The following RPL31 variants were observed in gnomAD, a reference collection of about 807,000 sequenced individuals.
The protein encoded by RPL31 is large ribosomal subunit protein eL31.
For missense variants in RPL31, 95 were observed against 164.0 expected, an observed-to-expected ratio of 0.58 and a Z score of 2.30; for synonymous variants, 51 against 55.0, an observed-to-expected ratio of 0.93 and a Z score of 0.32.
downstream of RPL31, chr2:101,008,182 G>A (rs755769534): frequency 1.9e-6 from 3 of 1,613,564 alleles, no homozygotes; most frequent in Non-Finnish European, 1.7e-6. Flanking sequence ...CAGCAGTGTG[G>A]TGACTGTGGC....
intron 4 of RPL31, among the ~76,000 whole-genome samples, chr2:101,017,389 A>G (rs1181108553): frequency 3.3e-5 from 5 of 152,238 alleles, no homozygotes; most frequent in Non-Finnish European, 5.9e-5. Context: ...GTAATTTTAT[A>G]TGCTATACTT....
Position 101,004,172 on chromosome 2 carries a change from G to A in RPL31, c.122G>A (p.Arg41His), listed in dbSNP as rs763221292. The A allele has an allele frequency of 5.0e-6, 8 of 1,613,846 alleles. No individual in the cohort carries two copies. The highest frequency in any genetic ancestry group is 2.2e-5 in the East Asian group (1 of 44,882). ...TTGAATCGTAGGGGCTTCAAGAAGC[G>A]TGCACCTCGGGCACTCAAAGAGATT... ...KRIHGVGFKK[R>H]APRALKEIRK... is the part of the protein sequence containing the mutation. Residue 41 changes from arginine (R) to histidine (H), a missense_variant, in exon 3 of 5, where the codon CGT (arginine) becomes CAT (histidine). Coordinates refer to ENST00000264258, the MANE Select transcript of RPL31 (RefSeq NM_000993.5).
chr2:101,016,257 G>A (rs1454600089), intron 4 of RPL31, among the ~76,000 whole-genome samples: 1 of 152,208 alleles, frequency 6.6e-6, no homozygotes, highest in East Asian at 1.9e-4. Context: ...TCAAAAAGTA[G>A]GCAAAGGATA....
chr2:101,017,356 T>C (rs1679730482), intron 4 of RPL31, among the ~76,000 whole-genome samples: 1 of 152,230 alleles, frequency 6.6e-6, no homozygotes, highest in Non-Finnish European at 1.5e-5. Context: ...TTCATTATCA[T>C]TACCCAGTAT....
intron 4 of RPL31, among the ~76,000 whole-genome samples, chr2:101,012,625 C>CA (rs71378138): frequency 0.017 from 2,354 of 134,986 alleles, 49 homozygotes; most frequent in African/African-American, 0.051. Flanking sequence ...TCTGAATATA[C>CA]AAAAAAAAAA....
At position 101,018,991 on chromosome 2, in the gene RPL31, G is replaced by A. The variant is rs527345665; in HGVS notation, c.347-7G>A. The stretch of plus-strand genomic sequence containing the variant: ...GTACCAAATCATCTGTAATATTTCT[G>A]TGCTAGTTTCTGTGCTAAACAGTGT... On this transcript the variant is annotated splice_region_variant and splice_polypyrimidine_tract_variant and intron_variant, in intron 4 of 4. Transcript: ENST00000409028. 9.9e-6 allele frequency: 16 copies of A among 1,611,750 alleles called. No individual in the cohort carries two copies. The East Asian group carries it at 2.9e-4, about 29-fold the overall frequency.
intron 1 of RPL31, 111 bp from the exon 2 acceptor site, chr2:101,002,591 A>G (rs1239276592): frequency 1.1e-6 from 1 of 899,042 alleles, no homozygotes; most frequent in African/African-American, 1.6e-5. Context: ...TAGCCTGGCC[A>G]GACTCTCAGC....
downstream of RPL31, among the ~76,000 whole-genome samples, chr2:101,009,416 A>G (rs1031703168): frequency 9.2e-5 from 12 of 131,008 alleles, no homozygotes; most frequent in East Asian, 2.3e-3. Context: ...CAAAAAAAAA[A>G]AAAAAAAGAA....
At chr2:101,016,336 C>A (rs1259576171) in intron 4 of RPL31, among the ~76,000 whole-genome samples, 1 of 151,592 alleles carries the variant, frequency 6.6e-6, no homozygotes, top group East Asian at 1.9e-4. Context: ...CTCATCATCA[C>A]TGGCCATCAG....
intron 4 of RPL31, among the ~76,000 whole-genome samples, chr2:101,017,051 T>C (rs544378154): frequency 1.7e-3 from 250 of 149,822 alleles, no homozygotes; most frequent in African/African-American, 5.8e-3. Flanking sequence ...ATTGTGCACA[T>C]GTACCCTAAA....
chr2:101,007,556 A>C, downstream of RPL31: 1 of 463,390 alleles, frequency 2.2e-6, no homozygotes, highest in Non-Finnish European at 3.9e-6. Context: ...GCATCACAGC[A>C]GAAGTGCCCA....
downstream of RPL31, chr2:101,008,350 G>A: frequency 3.4e-6 from 4 of 1,181,590 alleles, no homozygotes; most frequent in Non-Finnish European, 4.6e-6. Context: ...ATACCTGTGA[G>A]CTTTGAGAAA....
chr2:101,016,552 G>A, intron 4 of RPL31, among the ~76,000 whole-genome samples: 1 of 152,140 alleles, frequency 6.6e-6, no homozygotes. Context: ...AATACCATTT[G>A]ACCCAGCCAT....
intron 4 of RPL31, among the ~76,000 whole-genome samples, chr2:101,014,281 C>G (rs1282135389): frequency 6.6e-6 from 1 of 151,988 alleles, no homozygotes; most frequent in Non-Finnish European, 1.5e-5. Flanking sequence ...GGATCCCAAT[C>G]CAAGGCCAGA....
chr2:101,002,894 C>T, intron 2 of RPL31, 86 bp downstream of exon 2: 1 of 973,000 alleles, frequency 1.0e-6, no homozygotes, highest in Admixed American at 1.9e-5. Flanking sequence ...CCACCCCAAT[C>T]TTTTCCTCTT....
At chr2:101,007,764 A>C (rs186621310), downstream of RPL31, 1 of 1,542,226 alleles carries the variant, frequency 6.5e-7, no homozygotes, top group African/African-American at 1.4e-5. Context: ...CCCAAGAAAC[A>C]GTCTGGTTCG....
chr2:101,019,419 A>T (rs1679888411), exon 5 of RPL31: 1 of 160,328 alleles, frequency 6.2e-6, no homozygotes, highest in African/African-American at 2.4e-5. Context: ...TATTTAAATG[A>T]AAAAAACTTA....
chr2:101,017,209 G>A (rs1281327618), intron 4 of RPL31, among the ~76,000 whole-genome samples: 1 of 151,984 alleles, frequency 6.6e-6, no homozygotes, highest in Admixed American at 6.6e-5. Context: ...ACACAAAGCT[G>A]TCCTCTCCTG....
At chr2:101,004,356 A>T (rs1381436308) in intron 3 of RPL31, 73 bp downstream of exon 3, 1 of 1,533,944 alleles carries the variant, frequency 6.5e-7, no homozygotes. Flanking sequence ...GCAAGAGCCC[A>T]TATCAGTTCA....
Sources: allele counts gnomAD v4.1 joint callset (sites outside exome capture counted in the v4.1 genomes callset), GRCh38; gene constraint gnomAD v4.1.1; transcripts MANE v1.5; gene names NCBI Gene and HGNC (gene_info 2026-07-23, HGNC 2026-07-21).